Variants in AK8 observed in about 807,000 individuals in gnomAD.
The protein encoded by AK8 is ATP-AMP transphosphorylase 8.
In AK8, 44 loss-of-function variants were observed where a neutral mutation model predicts 54.6. The ratio of observed to expected loss-of-function variants is 0.81; its 90% CI spans 0.63 to 1.04. The LOEUF (loss-of-function observed/expected upper bound fraction) is 1.04, where lower values mean the gene tolerates loss of function less well. Ranked by LOEUF, AK8 falls within the 50% of genes least tolerant of loss-of-function variation. The pLI is 0.00. For missense variants in AK8, 555 were observed against 613.6 expected (o/e 0.90, Z 1.01); for synonymous variants, 239 against 245.6 (o/e 0.97, Z 0.25).
chr9:132,856,920 GATGA>G (rs1215055044), intron 4 of AK8, among the ~76,000 whole-genome samples: 1 of 152,102 alleles, frequency 6.6e-6, no homozygotes. Flanking sequence ...CTGGGAACTG[GATGA>G]ATATGTTCAC....
rs936316056 is a variant in AK8, at chr9:132,873,632, C to T, written c.169+1483G>A. ...TTGCGGTCCATTCTTTCTCTGGTGG[C>T]GGTGTGAGATAGCTGCGTGTGGGCA... On this transcript the variant is annotated intron_variant, in intron 2 of 12. Transcript: ENST00000298545. Among the ~76,000 whole-genome samples the T allele has an allele frequency of 2.0e-5, 3 of 152,044 alleles. No homozygotes were observed. In the East Asian group the frequency reaches 5.8e-4, roughly 29 times the overall value.
chr9:132,858,070 G>A (rs1843247080), intron 4 of AK8, among the ~76,000 whole-genome samples: 1 of 152,244 alleles, frequency 6.6e-6, no homozygotes, highest in African/African-American at 2.4e-5. Flanking sequence ...TGGCCACAGA[G>A]AAGGCTCAGC....
chr9:132,751,226 A>C (rs1837907107), intron 11 of AK8, among the ~76,000 whole-genome samples: 1 of 151,608 alleles, frequency 6.6e-6, no homozygotes, highest in African/African-American at 2.4e-5. Context: ...TCTACTAAAA[A>C]TACAAAAATT....
chr9:132,837,319 GAAAA>G lies in AK8; in HGVS notation c.403-8597_403-8594del, dbSNP rs749147088. The stretch of plus-strand genomic sequence containing the variant: ...GGGTGACAGAGCAAGACTCCATCTC[GAAAA>G]AAAAAAAAAAAAAAAGAATGAAAGA... On this transcript the variant is annotated intron_variant, in intron 5 of 12. Transcript: ENST00000298545. The surrounding 1 kb of genome is among the most constrained non-coding windows in gnomAD (Gnocchi z 4.3). 2.2e-5 allele frequency among the ~76,000 whole-genome samples: 2 copies of G among 89,656 alleles called. No homozygotes were observed. Among genetic ancestry groups the G allele is most frequent in the Admixed American group, 1.3e-4 (1 of 7,782 alleles). 58.8% of individuals were successfully genotyped at this position (89,656 alleles called of 152,430 possible). A position where few individuals can be genotyped will look rare whatever the true frequency, so the allele number is the denominator to read the frequency against.
chr9:132,817,040 G>A (rs1185690891), intron 9 of AK8, among the ~76,000 whole-genome samples: 1 of 152,212 alleles, frequency 6.6e-6, no homozygotes, highest in African/African-American at 2.4e-5. Context: ...CTGGGAAGCT[G>A]TGAACTGAAT....
At chr9:132,877,429 T>G (rs1844172259) in intron 1 of AK8, among the ~76,000 whole-genome samples, 1 of 152,078 alleles carries the variant, frequency 6.6e-6, no homozygotes, top group African/African-American at 2.4e-5. Flanking sequence ...AGCAGACAAA[T>G]GATCTGAAAA....
chr9:132,878,441 G>T, upstream of AK8: 1 of 1,229,400 alleles, frequency 8.1e-7, no homozygotes, highest in Non-Finnish European at 1.0e-6. The surrounding 1 kb of genome is among the most constrained non-coding windows in gnomAD (Gnocchi z 4.7). Context: ...GCTCGGGCAA[G>T]TTCTTTCCCC....
intron 11 of AK8, among the ~76,000 whole-genome samples, chr9:132,751,785 G>A (rs1590195511): frequency 1.3e-5 from 2 of 151,842 alleles, no homozygotes; most frequent in Non-Finnish European, 2.9e-5. Context: ...ATAGAGGAAA[G>A]GGCTGTGATA....
intron 11 of AK8, among the ~76,000 whole-genome samples, chr9:132,748,076 G>A (rs750656198): frequency 9.2e-5 from 14 of 151,618 alleles, no homozygotes; most frequent in Admixed American, 3.3e-4. Context: ...TCCAGCCTGG[G>A]CAACAAGAGT....
At chr9:132,779,766 C>T (rs569901022) in intron 11 of AK8, among the ~76,000 whole-genome samples, 1 of 152,210 alleles carries the variant, frequency 6.6e-6, no homozygotes, top group Non-Finnish European at 1.5e-5. Flanking sequence ...TTCAAACCAG[C>T]TAGCCAACAG....
chr9:132,801,342 A>G (rs1840449597), intron 10 of AK8, among the ~76,000 whole-genome samples: 1 of 152,248 alleles, frequency 6.6e-6, no homozygotes, highest in African/African-American at 2.4e-5. Context: ...TCTCTATTGG[A>G]AATGCTCGGC....
chr9:132,871,478 G>A (rs1012993959), intron 2 of AK8, among the ~76,000 whole-genome samples: 9 of 152,274 alleles, frequency 5.9e-5, no homozygotes, highest in Admixed American at 2.0e-4. Context: ...GAGGGCCTGC[G>A]GTGGAGTGCA....
intron 11 of AK8, among the ~76,000 whole-genome samples, chr9:132,776,083 C>T (rs1289463583): frequency 1.3e-5 from 2 of 152,348 alleles, no homozygotes; most frequent in Admixed American, 6.5e-5. Context: ...CTGCCTCTTA[C>T]ACAAACATTG....
chr9:132,858,615 C>T (rs745673704), intron 4 of AK8, among the ~76,000 whole-genome samples: 43 of 152,182 alleles, frequency 2.8e-4, no homozygotes, highest in Non-Finnish European at 5.0e-4. Context: ...TCCTGGTAGA[C>T]GAGGGAAACC....
rs1163475519 is a variant in AK8, at chr9:132,725,826, G to A, written c.1302C>T (p.Asp434=). ...DAEEQVKLKM[D]LFYRNSADLE... is the part of the protein sequence containing the mutation. ...AGTCAGCTGAGTTCCTGTAGAACAG[G>A]TCCATTTTCAGCTTGACCTGCTCTT... is the stretch of plus-strand genomic sequence containing the variant. Residue 434 remains aspartate, a synonymous_variant, in exon 13 of 13, where the codon GAC becomes GAT. Coordinates refer to ENST00000298545, the MANE Select transcript of AK8 (RefSeq NM_152572.3). 2 of 1,607,928 alleles carry A rather than the reference G, an allele frequency of 1.2e-6. No individual in the cohort carries two copies. The highest frequency in any genetic ancestry group is 1.7e-6 in the Non-Finnish European group (2 of 1,177,616).
intron 11 of AK8, among the ~76,000 whole-genome samples, chr9:132,768,053 T>C (rs955503399): frequency 6.6e-6 from 1 of 152,130 alleles, no homozygotes; most frequent in African/African-American, 2.4e-5. Flanking sequence ...AGGGGGACTA[T>C]GGTTAACAAT....
intron 3 of AK8, 78 bp downstream of exon 3, chr9:132,866,826 C>T (rs775357771): frequency 2.9e-5 from 39 of 1,328,226 alleles, no homozygotes; most frequent in Admixed American, 2.0e-4. Flanking sequence ...TACAAATTCA[C>T]GGAGGTGCAG....
At chr9:132,736,946 A>T (rs1168009216) in intron 11 of AK8, among the ~76,000 whole-genome samples, 10 of 152,062 alleles carry the variant, frequency 6.6e-5, no homozygotes, top group African/African-American at 2.2e-4. Flanking sequence ...ACAGACAGAA[A>T]GTAGAATGGG....
intron 11 of AK8, among the ~76,000 whole-genome samples, chr9:132,738,461 T>C (rs1837219843): frequency 6.6e-6 from 1 of 152,192 alleles, no homozygotes; most frequent in African/African-American, 2.4e-5. Flanking sequence ...GTGCCTCCTT[T>C]TCTGTTGATC....
Sources: allele counts gnomAD v4.1 joint callset (sites outside exome capture counted in the v4.1 genomes callset), GRCh38; gene constraint gnomAD v4.1.1; non-coding constraint Gnocchi (gnomAD v3.1); transcripts MANE v1.5; gene names NCBI Gene and HGNC (gene_info 2026-07-23, HGNC 2026-07-21).